Variants in AP4S1 observed in about 807,000 individuals in gnomAD.
The protein encoded by AP4S1 is AP-4 complex subunit sigma-1.
AP4S1 carries 23 observed loss-of-function variants against 19.8 expected under a neutral mutation model. The observed-to-expected ratio is 1.16, with a 90% CI of 0.84 to 1.65. The LOEUF (loss-of-function observed/expected upper bound fraction) is 1.65. Ranked by LOEUF, AP4S1 falls within the 40% of genes most tolerant of loss-of-function variation. AP4S1 has a pLI of 0.00. For synonymous variants in AP4S1, 46 were observed against 54.1 expected, an observed-to-expected ratio of 0.85 and a Z score of 0.66; for missense variants, 166 against 172.8, an observed-to-expected ratio of 0.96 and a Z score of 0.22.
At chr14:31,037,808 G>T (rs377711749) in intron 1 of AP4S1, among the ~76,000 whole-genome samples, 28 of 152,262 alleles carry the variant, frequency 1.8e-4, no homozygotes, top group East Asian at 1.7e-3. Flanking sequence ...AAAAAAATTA[G>T]CCAGGTGGGC....
intron 1 of AP4S1, among the ~76,000 whole-genome samples, chr14:31,046,042 CT>C (rs1424701246): frequency 6.6e-6 from 1 of 150,610 alleles, no homozygotes; most frequent in Non-Finnish European, 1.5e-5. Flanking sequence ...TCTCGGCTCA[CT>C]GCAACCTCCG....
In AP4S1 at chr14:31,093,903, T is replaced by C; in HGVS notation, c.*868T>C. On this transcript the variant is annotated 3_prime_UTR_variant, in exon 6 of 6. Transcript: ENST00000542754. ...ATCTCAGCTCACTGCAACCTCCACC[T>C]CTGGGTTTAAGCAATTCTCCTGCCT... 6.6e-6 allele frequency: 1 copy of C among 152,434 alleles called. No homozygotes were observed. The highest frequency in any genetic ancestry group is 1.5e-5 in the Non-Finnish European group (1 of 68,244). The allele number at this position is 152,434 out of a possible 1,614,324, so 9.4% of individuals were successfully genotyped here.
rs193279795 is a variant in AP4S1 at position 31,071,683 on chromosome 14, G to T, written c.226-1222G>T. Among the ~76,000 whole-genome samples the T allele has an allele frequency of 2.6e-5, 4 of 152,100 alleles. No individual in the cohort carries two copies. The East Asian group carries it at 5.8e-4, about 22-fold the overall frequency. Reference sequence around the variant, plus strand: ...TCCACCTCCCTCAGCCTCCCAAAGTGCTGGGATTACAGGCGTGAGCCACCG... The same window carrying T: ...TCCACCTCCCTCAGCCTCCCAAAGTTCTGGGATTACAGGCGTGAGCCACCG... On this transcript the variant is annotated intron_variant, in intron 3 of 5. Coordinates refer to ENST00000542754, the MANE Select transcript of AP4S1 (RefSeq NM_001128126.3).
intron 1 of AP4S1, 25 bp from the exon 2 acceptor site, chr14:31,066,101 G>A (rs924917328): frequency 1.7e-6 from 2 of 1,185,588 alleles, no homozygotes; most frequent in Non-Finnish European, 2.5e-6. Flanking sequence ...TTGCCTTTCT[G>A]GTTTTGTTTG....
Position 31,069,111 on chromosome 14 carries a change from A to C in AP4S1, c.139-732A>C, listed in dbSNP as rs560551705. Among the ~76,000 whole-genome samples the C allele has an allele frequency of 2.6e-5, 4 of 152,238 alleles. No individual in the cohort carries two copies. The South Asian group carries it at 6.2e-4, about 24-fold the overall frequency. On this transcript the variant is annotated intron_variant, in intron 2 of 5. Coordinates refer to ENST00000542754, the MANE Select transcript of AP4S1 (RefSeq NM_001128126.3). ...CATCCAGCACACCCTAAAATCCAGA[A>C]GAAGAGTAACCTTGTGCTTCTGCCC... is the stretch of plus-strand genomic sequence containing the variant.
At chr14:31,073,346 T>C (rs113957062) in intron 4 of AP4S1, among the ~76,000 whole-genome samples, 51,640 of 126,622 alleles carry the variant, frequency 0.41, 11,805 homozygotes, top group African/African-American at 0.47. Flanking sequence ...AAAAATTAGC[T>C]GGGCGTGGTG....
At position 31,093,042 on chromosome 14, in the gene AP4S1, G is replaced by A; in HGVS notation, c.*7G>A. 6.5e-7 allele frequency: 1 copy of A among 1,547,702 alleles called. No individual in the cohort carries two copies. The highest frequency in any genetic ancestry group is 1.2e-5 in the South Asian group (1 of 83,376). ...TAAGATGTCAGAAAGCTGAAAGGAA[G>A]TCTCTTCGAGACAATATGGATTTAT... On this transcript the variant is annotated 3_prime_UTR_variant, in exon 6 of 6. Transcript: ENST00000542754.
intron 5 of AP4S1, among the ~76,000 whole-genome samples, chr14:31,084,450 A>G (rs558414445): frequency 5.3e-5 from 8 of 152,360 alleles, no homozygotes; most frequent in African/African-American, 1.9e-4. Flanking sequence ...ATTGGATTTT[A>G]AAAAGAAAGG....
intron 1 of AP4S1, among the ~76,000 whole-genome samples, chr14:31,057,707 C>T (rs1161681792): frequency 1.3e-5 from 2 of 151,990 alleles, no homozygotes; most frequent in East Asian, 3.9e-4. Context: ...CTTACTGCAA[C>T]CTCCGCCTCC....
chr14:31,051,469 G>A (rs1054402886), intron 1 of AP4S1, among the ~76,000 whole-genome samples: 3 of 152,084 alleles, frequency 2.0e-5, no homozygotes, highest in Non-Finnish European at 2.9e-5. Flanking sequence ...TCGAGAGTTC[G>A]AGACCAGCCT....
chr14:31,077,072 G>A (rs1887398977), intron 4 of AP4S1, among the ~76,000 whole-genome samples: 1 of 152,084 alleles, frequency 6.6e-6, no homozygotes, highest in African/African-American at 2.4e-5. Flanking sequence ...TGGGATTACA[G>A]GCATGCGCCA....
chr14:31,066,480 T>C (rs541804037), intron 2 of AP4S1, 146 bp downstream of exon 2: 3 of 1,139,928 alleles, frequency 2.6e-6, no homozygotes, highest in African/African-American at 1.5e-5. Context: ...AATGAAAAAC[T>C]GAAAGAAGCA....
chr14:31,044,672 T>C (rs960206932), intron 1 of AP4S1, among the ~76,000 whole-genome samples: 2 of 151,404 alleles, frequency 1.3e-5, no homozygotes, highest in African/African-American at 4.9e-5. Context: ...AAAAAAAAAA[T>C]TTGTAGAAAT....
intron 1 of AP4S1, among the ~76,000 whole-genome samples, chr14:31,052,350 A>G (rs1885844099): frequency 6.6e-6 from 1 of 152,144 alleles, no homozygotes; most frequent in Non-Finnish European, 1.5e-5. Flanking sequence ...CACTATTTAT[A>G]ATGTTATAAA....
chr14:31,085,075 GGC>G, intron 5 of AP4S1: 4 of 1,410,658 alleles, frequency 2.8e-6, no homozygotes, highest in Non-Finnish European at 3.7e-6. Flanking sequence ...ACTGCCTTCA[GGC>G]CTGGACAGCC....
Position 31,071,920 on chromosome 14 carries a change from TGA to T in AP4S1, c.226-984_226-983del, listed in dbSNP as rs1442535410. ...TTATTTATTTATTTATTTATTTATT[TGA>T]TTTTTTTTGGGGGGGTGGGGATGGA... is the stretch of plus-strand genomic sequence containing the variant. On this transcript the variant is annotated intron_variant, in intron 3 of 5. Transcript: ENST00000542754. Among the ~76,000 whole-genome samples, 22 of 65,914 alleles carry T rather than the reference TGA, an allele frequency of 3.3e-4. No individual in the cohort carries two copies. In the East Asian group the frequency reaches 5.0e-3, roughly 15 times the overall value. The allele number at this position is 65,914 out of a possible 152,430, so 43.2% of individuals were successfully genotyped here.
chr14:31,037,323 G>A (rs779397064), intron 1 of AP4S1, among the ~76,000 whole-genome samples: 2 of 152,028 alleles, frequency 1.3e-5, no homozygotes, highest in African/African-American at 4.8e-5. Flanking sequence ...GTTTTTGGTA[G>A]AGATGTTGTC....
chr14:31,075,725 A>G (rs963164217), intron 4 of AP4S1, among the ~76,000 whole-genome samples: 1 of 144,172 alleles, frequency 6.9e-6, no homozygotes, highest in Non-Finnish European at 1.5e-5. Context: ...ATTCCATTGT[A>G]TGGATGGATA....
chr14:31,047,221 T>C (rs963297799), intron 1 of AP4S1, among the ~76,000 whole-genome samples: 2 of 152,162 alleles, frequency 1.3e-5, no homozygotes, highest in African/African-American at 4.8e-5. Context: ...AAGAATTCTT[T>C]ATATATTCTA....
Sources: gnomAD v4.1 joint callset for allele counts (sites outside exome capture counted in the v4.1 genomes callset) on GRCh38, gnomAD v4.1.1 for gene constraint, MANE v1.5 for transcripts, NCBI Gene and HGNC (gene_info 2026-07-23, HGNC 2026-07-21) for gene names.